UGT3A2: variants seen among roughly 807,000 people sequenced by gnomAD.
UGT3A2 encodes the protein UDP-glycosyltransferase 3A2.
UGT3A2 carries 32 observed loss-of-function variants against 39.8 expected under a neutral mutation model. The observed-to-expected ratio is 0.80, with a 90% CI of 0.61 to 1.08. UGT3A2 has a LOEUF of 1.08. Ranked by LOEUF, UGT3A2 falls within the 50% of genes least tolerant of loss-of-function variation. UGT3A2 has a pLI of 0.00. For missense variants in UGT3A2, 611 were observed against 637.1 expected, an observed-to-expected ratio of 0.96 and a Z score of 0.44; for synonymous variants, 241 against 230.7, an observed-to-expected ratio of 1.04 and a Z score of -0.40.
At chr5:36,048,007 G>T (rs908973551) in intron 4 of UGT3A2, among the ~76,000 whole-genome samples, 1 of 152,064 alleles carries the variant, frequency 6.6e-6, no homozygotes, top group Non-Finnish European at 1.5e-5. Context: ...AACTCTTCCT[G>T]CTCACTCAGT....
chr5:36,064,793 C>T (rs542506812), intron 1 of UGT3A2, among the ~76,000 whole-genome samples: 4 of 152,158 alleles, frequency 2.6e-5, no homozygotes, highest in Admixed American at 6.6e-5. Flanking sequence ...TGGGATCCTG[C>T]TCTTTGGACA....
At chr5:36,040,876 A>G (rs959055630) in intron 4 of UGT3A2, among the ~76,000 whole-genome samples, 1 of 151,630 alleles carries the variant, frequency 6.6e-6, no homozygotes, top group African/African-American at 2.4e-5. Context: ...GGCAGCTCAG[A>G]GCTCCAGGAG....
chr5:36,043,527 C>A (rs982862324), intron 4 of UGT3A2, among the ~76,000 whole-genome samples: 1 of 151,434 alleles, frequency 6.6e-6, no homozygotes, highest in Non-Finnish European at 1.5e-5. Context: ...ATAAAGATCA[C>A]AGCAGAAATA....
rs1426356351 is a variant in UGT3A2 at position 36,051,988 on chromosome 5, A to C, written c.197-4T>G. The C allele has an allele frequency of 6.4e-7, 1 of 1,552,300 alleles. No individual in the cohort carries two copies. The highest frequency in any genetic ancestry group is 8.7e-7 in the Non-Finnish European group (1 of 1,153,498). On this transcript the variant is annotated splice_region_variant and splice_polypyrimidine_tract_variant and intron_variant, in intron 2 of 6. Transcript: ENST00000282507. Reference sequence around the variant, plus strand: ...GATTTTTCTTCCTTTTTAAAATCTAAGAAAACAGCAACGGGTTAAAAAAAA... The same window carrying C: ...GATTTTTCTTCCTTTTTAAAATCTACGAAAACAGCAACGGGTTAAAAAAAA...
intron 4 of UGT3A2, among the ~76,000 whole-genome samples, chr5:36,042,398 A>C (rs1742038275): frequency 6.6e-6 from 1 of 152,198 alleles, no homozygotes. Context: ...TACACAAAAA[A>C]TAAAATTCAA....
chr5:36,065,331 G>A (rs540706383), intron 1 of UGT3A2, among the ~76,000 whole-genome samples: 3 of 152,278 alleles, frequency 2.0e-5, no homozygotes, highest in Admixed American at 1.3e-4. Flanking sequence ...AACAAGGGAC[G>A]TATAAAGTAC....
chr5:36,062,981 C>T (rs1276712184), intron 2 of UGT3A2, among the ~76,000 whole-genome samples: 1 of 151,302 alleles, frequency 6.6e-6, no homozygotes, highest in East Asian at 1.9e-4. Context: ...ATGGAAGTTG[C>T]AGTGAGCCAA....
intron 3 of UGT3A2, among the ~76,000 whole-genome samples, chr5:36,050,951 T>G (rs1742324264): frequency 1.3e-5 from 2 of 152,134 alleles, no homozygotes; most frequent in African/African-American, 4.8e-5. Context: ...TTAAAGTATT[T>G]TAAGAATGCA....
At chr5:36,050,032 G>A (rs1742290898) in intron 3 of UGT3A2, among the ~76,000 whole-genome samples, 1 of 151,412 alleles carries the variant, frequency 6.6e-6, no homozygotes, top group African/African-American at 2.4e-5. Context: ...AAGGAACCTG[G>A]TTTTTGAAAC....
chr5:36,039,224 A>T (rs1741925155), intron 5 of UGT3A2, among the ~76,000 whole-genome samples: 1 of 152,224 alleles, frequency 6.6e-6, no homozygotes, highest in Admixed American at 6.5e-5. Context: ...CTTGACAGGA[A>T]TATCACATAG....
At chr5:36,060,228 CT>C (rs531641629) in intron 2 of UGT3A2, among the ~76,000 whole-genome samples, 13 of 152,360 alleles carry the variant, frequency 8.5e-5, no homozygotes, top group African/African-American at 3.1e-4. Context: ...CAGTAATTGC[CT>C]TTCTCAAATT....
intron 4 of UGT3A2, among the ~76,000 whole-genome samples, chr5:36,045,141 T>C (rs1742126796): frequency 6.6e-6 from 1 of 152,030 alleles, no homozygotes; most frequent in Admixed American, 6.6e-5. Context: ...ACAAGGCACA[T>C]AGACCAACAG....
intron 3 of UGT3A2, among the ~76,000 whole-genome samples, chr5:36,049,969 A>G (rs1187807480): frequency 1.3e-5 from 2 of 152,168 alleles, no homozygotes; most frequent in Admixed American, 1.3e-4. Context: ...GCCGAAAATG[A>G]GAATTCCACC....
At chr5:36,046,789 T>C (rs1742180878) in intron 4 of UGT3A2, among the ~76,000 whole-genome samples, 1 of 152,228 alleles carries the variant, frequency 6.6e-6, no homozygotes, top group South Asian at 2.1e-4. Context: ...AAATGATCAA[T>C]GCCTTGATGT....
At chr5:36,048,203 G>A (rs998983919) in intron 4 of UGT3A2, among the ~76,000 whole-genome samples, 1 of 152,154 alleles carries the variant, frequency 6.6e-6, no homozygotes, top group Non-Finnish European at 1.5e-5. Flanking sequence ...TGTAAAATGG[G>A]AACCCAGTGC....
intron 3 of UGT3A2, among the ~76,000 whole-genome samples, chr5:36,051,402 T>C (rs1457199057): frequency 6.6e-6 from 1 of 152,212 alleles, no homozygotes; most frequent in South Asian, 2.1e-4. Context: ...CCAATGTTCA[T>C]AAGCCTTCCC....
intron 2 of UGT3A2, among the ~76,000 whole-genome samples, chr5:36,054,893 G>T (rs933882892): frequency 2.0e-5 from 3 of 152,098 alleles, no homozygotes; most frequent in Non-Finnish European, 4.4e-5. Flanking sequence ...TGAGTGGTTT[G>T]TCAGTTTATT....
intron 1 of UGT3A2, 50 bp downstream of exon 1, chr5:36,066,646 G>A (rs1333960846): frequency 6.2e-7 from 1 of 1,611,418 alleles, no homozygotes; most frequent in African/African-American, 1.3e-5. Context: ...CCCTGGCAGT[G>A]CGAGTATCCG....
chr5:36,052,718 G>A (rs1742386146), intron 2 of UGT3A2, among the ~76,000 whole-genome samples: 1 of 151,804 alleles, frequency 6.6e-6, no homozygotes. Context: ...ATTTGCCTGG[G>A]AGCCTGTCCT....
Sources: gnomAD v4.1 joint callset for allele counts (sites outside exome capture counted in the v4.1 genomes callset) on GRCh38, gnomAD v4.1.1 for gene constraint, MANE v1.5 for transcripts, NCBI Gene and HGNC (gene_info 2026-07-23, HGNC 2026-07-21) for gene names.